Variants in PTPRR observed in about 807,000 individuals in gnomAD.
PTPRR encodes the protein protein tyrosine phosphatase receptor type R.
Under a neutral mutation model 77.2 loss-of-function variants are expected in PTPRR, and 38 were observed. The ratio of observed to expected loss-of-function variants is 0.49; its 90% CI spans 0.38 to 0.65. PTPRR has a LOEUF of 0.65. Ranked by LOEUF, PTPRR falls within the 30% of genes least tolerant of loss-of-function variation. The pLI is 0.00. For synonymous variants in PTPRR, 299 were observed against 283.1 expected, an observed-to-expected ratio of 1.06 and a Z score of -0.57; for missense variants, 744 against 799.2, an observed-to-expected ratio of 0.93 and a Z score of 0.83.
At chr12:70,824,335 A>G (rs1030960426) in intron 2 of PTPRR, among the ~76,000 whole-genome samples, 1 of 152,232 alleles carries the variant, frequency 6.6e-6, no homozygotes, top group African/African-American at 2.4e-5. Context: ...TCAAGTAGAA[A>G]CAAATACTTT....
intron 2 of PTPRR, among the ~76,000 whole-genome samples, chr12:70,767,122 T>A (rs370731820): frequency 1.3e-5 from 2 of 150,954 alleles, no homozygotes; most frequent in African/African-American, 2.4e-5. Flanking sequence ...AGCAAAATAA[T>A]CAGCTAACAT....
intron 10 of PTPRR, among the ~76,000 whole-genome samples, chr12:70,670,642 A>C (rs1887189431): frequency 6.6e-6 from 1 of 152,214 alleles, no homozygotes. Flanking sequence ...AGAGAAATGC[A>C]GTAAGTAACT....
chr12:70,685,294 C>T (rs1011708662), intron 8 of PTPRR, among the ~76,000 whole-genome samples: 2 of 151,830 alleles, frequency 1.3e-5, no homozygotes, highest in African/African-American at 4.8e-5. Flanking sequence ...TACGTGCTAT[C>T]TGTGTGAGGA....
intron 2 of PTPRR, among the ~76,000 whole-genome samples, chr12:70,823,603 T>C (rs1278020221): frequency 6.6e-6 from 1 of 152,232 alleles, no homozygotes; most frequent in Non-Finnish European, 1.5e-5. Flanking sequence ...TTGGCTTAGC[T>C]TGGAGCTCCC....
At chr12:70,678,250 G>A (rs1887523283) in intron 10 of PTPRR, among the ~76,000 whole-genome samples, 1 of 152,016 alleles carries the variant, frequency 6.6e-6, no homozygotes, top group Non-Finnish European at 1.5e-5. Context: ...CATGTTGGCT[G>A]GGCTGGTGTG....
intron 8 of PTPRR, among the ~76,000 whole-genome samples, chr12:70,686,382 G>A (rs1192209546): frequency 6.6e-6 from 1 of 152,026 alleles, no homozygotes; most frequent in Admixed American, 6.6e-5. Context: ...ATATAACTGG[G>A]GTTAAAGATA....
At chr12:70,722,218 C>T (rs1889283786) in intron 6 of PTPRR, among the ~76,000 whole-genome samples, 1 of 152,096 alleles carries the variant, frequency 6.6e-6, no homozygotes, top group East Asian at 1.9e-4. Flanking sequence ...AATGCTTTTC[C>T]TGTGTAAGAG....
At position 70,731,899 on chromosome 12, in the gene PTPRR, G is replaced by T. The variant is rs1026276221; in HGVS notation, c.1007+13919C>A. Among the ~76,000 whole-genome samples the T allele has an allele frequency of 3.9e-5, 6 of 152,226 alleles. No individual in the cohort carries two copies. The East Asian group carries it at 1.2e-3, about 29-fold the overall frequency. Reference sequence around the variant, plus strand: ...CACACATGTGTGAGTTCTTGATGGGGTCAGGGAACAAGAGAGGTAATTTAG... The same window carrying T: ...CACACATGTGTGAGTTCTTGATGGGTTCAGGGAACAAGAGAGGTAATTTAG... On this transcript the variant is annotated intron_variant, in intron 6 of 13. Transcript: ENST00000283228.
intron 4 of PTPRR, among the ~76,000 whole-genome samples, chr12:70,760,880 G>T (rs1430992997): frequency 2.6e-5 from 4 of 152,164 alleles, no homozygotes; most frequent in South Asian, 2.1e-4. Context: ...AATCCATTCA[G>T]GAGTGAGATG....
chr12:70,690,252 A>G (rs996435410), intron 8 of PTPRR, among the ~76,000 whole-genome samples: 4 of 152,186 alleles, frequency 2.6e-5, no homozygotes, highest in African/African-American at 9.7e-5. Context: ...AACCACTGTT[A>G]TTTGGGTTGT....
intron 13 of PTPRR, among the ~76,000 whole-genome samples, chr12:70,648,414 C>T (rs1426579967): frequency 6.6e-6 from 1 of 152,162 alleles, no homozygotes; most frequent in Non-Finnish European, 1.5e-5. Context: ...CATGGAAAAG[C>T]ATCTTGTTAG....
chr12:70,781,007 G>C, intron 2 of PTPRR, among the ~76,000 whole-genome samples: 1 of 152,174 alleles, frequency 6.6e-6, no homozygotes, highest in East Asian at 1.9e-4. Flanking sequence ...CCTGTGACTG[G>C]TGAGAAAATT....
intron 2 of PTPRR, among the ~76,000 whole-genome samples, chr12:70,864,082 G>A (rs1225920929): frequency 6.6e-6 from 1 of 152,152 alleles, no homozygotes; most frequent in Admixed American, 6.6e-5. Context: ...CAAGACTCAC[G>A]TATATTGTAT....
intron 8 of PTPRR, among the ~76,000 whole-genome samples, chr12:70,687,004 A>G (rs985902152): frequency 3.3e-5 from 5 of 152,154 alleles, no homozygotes; most frequent in Non-Finnish European, 7.3e-5. Flanking sequence ...GATCACTGTT[A>G]TTGTCATTGC....
chr12:70,878,176 C>G (rs1054333330), intron 2 of PTPRR, among the ~76,000 whole-genome samples: 2 of 152,116 alleles, frequency 1.3e-5, no homozygotes, highest in African/African-American at 4.8e-5. Flanking sequence ...ATACCATTCA[C>G]GACATAGGCA....
intron 2 of PTPRR, among the ~76,000 whole-genome samples, chr12:70,866,567 G>T (rs1179876395): frequency 6.6e-6 from 1 of 152,136 alleles, no homozygotes; most frequent in Non-Finnish European, 1.5e-5. Context: ...AAAAGTCCAG[G>T]ACCAGATGGA....
intron 5 of PTPRR, among the ~76,000 whole-genome samples, chr12:70,753,331 C>G (rs1054330027): frequency 6.6e-6 from 1 of 152,090 alleles, no homozygotes; most frequent in African/African-American, 2.4e-5. Context: ...AACATAATGA[C>G]TTTTGGGGGG....
At chr12:70,713,125 T>C (rs1057441868) in intron 6 of PTPRR, among the ~76,000 whole-genome samples, 3 of 152,200 alleles carry the variant, frequency 2.0e-5, no homozygotes, top group Admixed American at 6.6e-5. Flanking sequence ...ACATTTCGTA[T>C]AAATGGAATC....
intron 2 of PTPRR, among the ~76,000 whole-genome samples, chr12:70,874,628 T>G (rs1356124140): frequency 2.0e-5 from 3 of 152,110 alleles, no homozygotes; most frequent in Admixed American, 1.3e-4. Flanking sequence ...TAACTTTTGT[T>G]AAAAAGCAAC....
Sources: gnomAD v4.1 joint callset for allele counts (sites outside exome capture counted in the v4.1 genomes callset) on GRCh38, gnomAD v4.1.1 for gene constraint, MANE v1.5 for transcripts, NCBI Gene and HGNC (gene_info 2026-07-23, HGNC 2026-07-21) for gene names.